ZSCAN30: variants seen among roughly 807,000 people sequenced by gnomAD.
ZSCAN30 encodes zinc finger and SCAN domain-containing protein 30.
A neutral mutation model predicts 44.3 loss-of-function variants in ZSCAN30; 37 were observed. The observed-to-expected ratio is 0.84, with a 90% CI of 0.64 to 1.10. The LOEUF (loss-of-function observed/expected upper bound fraction) is 1.10. Ranked by LOEUF, ZSCAN30 falls within the 50% of genes least tolerant of loss-of-function variation. The probability of loss-of-function intolerance (pLI) is 0.00; values close to 1 mark genes in which losing one functional copy is unlikely to be tolerated. For synonymous variants in ZSCAN30, 181 were observed against 204.6 expected, an observed-to-expected ratio of 0.88 and a Z score of 0.98; for missense variants, 549 against 582.6, an observed-to-expected ratio of 0.94 and a Z score of 0.59.
In ZSCAN30 at chr18:35,254,268, G is replaced by A. The variant is rs72959629; in HGVS notation, c.667C>T (p.Arg223Trp). The A allele has an allele frequency of 4.1e-3, 6,587 of 1,614,082 alleles. 45 individuals are homozygous for A. The highest frequency in any genetic ancestry group is 0.022 in the South Asian group (1,995 of 91,086). Reference sequence around the variant, plus strand: ...CCTCCCAAAGCTTCTTCAGCTATCCGTTGGGAATGTGTTTCTCCAGGAAGT... The same window carrying A: ...CCTCCCAAAGCTTCTTCAGCTATCCATTGGGAATGTGTTTCTCCAGGAAGT... ...GKLPGETHSQRIAEEALGGLD... is the reference protein window; with the variant it reads ...GKLPGETHSQWIAEEALGGLD... Residue 223 changes from arginine (R) to tryptophan (W), a missense_variant, in exon 4 of 4, where the codon CGG becomes TGG. Coordinates refer to ENST00000333206, the MANE Select transcript of ZSCAN30 (RefSeq NM_001112734.4).
chr18:35,277,707 T>C (rs1041417955), intron 1 of ZSCAN30, among the ~76,000 whole-genome samples: 22 of 152,188 alleles, frequency 1.4e-4, no homozygotes, highest in African/African-American at 5.1e-4. Context: ...TATGTCTTTA[T>C]TGGCAGCATG....
intron 1 of ZSCAN30, chr18:35,268,581 A>C (rs2044210950): frequency 6.6e-6 from 1 of 152,232 alleles, no homozygotes; most frequent in African/African-American, 2.4e-5. Flanking sequence ...ACAGTGTTTC[A>C]GGAGACGGAA....
chr18:35,264,341 C>T lies in ZSCAN30; in HGVS notation c.12G>A (p.Glu4=). 3.1e-6 allele frequency: 5 copies of T among 1,612,844 alleles called. No individual in the cohort carries two copies. The South Asian group carries it at 5.5e-5, about 18-fold the overall frequency. MSG[E]ATVLAYHAPE... The stretch of plus-strand genomic sequence containing the variant: ...GAGCATGGTAGGCCAAGACTGTGGC[C>T]TCTCCTGACATTCTGGGCAGAGACA... The change falls in exon 2 of 4, where the codon GAG becomes GAA. Residue 4 remains glutamate (E), a synonymous_variant. Transcript: ENST00000333206.
rs534869148 is a variant in ZSCAN30 at position 35,271,317 on chromosome 18, C to T, written c.-103-6862G>A. ...AATTTTGACAGGGTGCTGATTGGTGCGTTTACAATCCCTGAGCTAGACACA... is the reference window on the plus strand; with the variant it reads ...AATTTTGACAGGGTGCTGATTGGTGTGTTTACAATCCCTGAGCTAGACACA... On this transcript the variant is annotated intron_variant, in intron 1 of 3. Coordinates refer to ENST00000333206, the MANE Select transcript of ZSCAN30 (RefSeq NM_001112734.4). Among the ~76,000 whole-genome samples the T allele has an allele frequency of 3.3e-5, 5 of 152,022 alleles. No individual in the cohort carries two copies. The South Asian group carries it at 8.3e-4, about 25-fold the overall frequency.
chr18:35,259,102 T>C (rs2143682972), intron 3 of ZSCAN30: 1 of 152,562 alleles, frequency 6.6e-6, no homozygotes, highest in Admixed American at 6.5e-5. Flanking sequence ...AGAAATCTCT[T>C]TTCTCACAAT....
intron 1 of ZSCAN30, among the ~76,000 whole-genome samples, chr18:35,271,944 C>A (rs556868150): frequency 1.2e-3 from 184 of 152,192 alleles, no homozygotes; most frequent in South Asian, 2.3e-3. Flanking sequence ...GCTCCAAGTG[C>A]GGGGCCCGCC....
intron 1 of ZSCAN30, among the ~76,000 whole-genome samples, chr18:35,270,826 T>C (rs547403200): frequency 1.1e-4 from 16 of 152,326 alleles, no homozygotes; most frequent in African/African-American, 3.6e-4. Flanking sequence ...TTCTTAAAGA[T>C]GGTGTGTCCT....
At chr18:35,289,923 T>C (rs2044623555) in intron 1 of ZSCAN30, 161 bp downstream of exon 1, 1 of 152,136 alleles carries the variant, frequency 6.6e-6, no homozygotes, top group Non-Finnish European at 1.5e-5. Context: ...CTCCAGGTGA[T>C]TCTGATGCGC....
intron 3 of ZSCAN30, chr18:35,259,779 AAAAG>A (rs2043976825): frequency 6.5e-6 from 1 of 153,924 alleles, no homozygotes; most frequent in Non-Finnish European, 1.5e-5. Context: ...AGATTTTAAA[AAAAG>A]AAAGTAAAAA....
chr18:35,259,982 C>G (rs2043987119), intron 3 of ZSCAN30: 1 of 152,364 alleles, frequency 6.6e-6, no homozygotes, highest in Admixed American at 6.5e-5. Context: ...GTATTAAGCC[C>G]CACATGCATT....
chr18:35,287,875 CTTTT>C (rs61171547), intron 1 of ZSCAN30, among the ~76,000 whole-genome samples: 3 of 141,072 alleles, frequency 2.1e-5, no homozygotes, highest in Admixed American at 7.1e-5. Context: ...TCTTCCTCTT[CTTTT>C]TTTTTTTTTT....
intron 3 of ZSCAN30, chr18:35,261,355 T>C (rs1045955404): frequency 6.6e-6 from 1 of 152,188 alleles, no homozygotes; most frequent in Non-Finnish European, 1.5e-5. Context: ...TTGTACCATA[T>C]GAATTTTAAA....
chr18:35,265,780 CTTAGTTTA>C (rs1333108490), intron 1 of ZSCAN30, among the ~76,000 whole-genome samples: 2 of 152,154 alleles, frequency 1.3e-5, no homozygotes, highest in African/African-American at 4.8e-5. Flanking sequence ...CCAAAGGACT[CTTAGTTTA>C]TTATGGGAAA....
chr18:35,253,884 G>C lies in ZSCAN30; in HGVS notation c.1051C>G (p.His351Asp). ...SSDLVRHQRIHSGEKPYECCE... is the reference protein window; with the variant it reads ...SSDLVRHQRIDSGEKPYECCE... ...CATTCATAGGGTTTTTCACCACTAT[G>C]AATTCTCTGATGTCTAACAAGGTCT... Residue 351 changes from histidine to aspartate, a missense_variant, in exon 4 of 4, where the codon CAT becomes GAT. Coordinates refer to ENST00000333206, the MANE Select transcript of ZSCAN30 (RefSeq NM_001112734.4). The C allele has an allele frequency of 1.2e-6, 2 of 1,614,116 alleles. No homozygotes were observed. The highest frequency in any genetic ancestry group is 2.2e-5 in the South Asian group (2 of 91,082).
chr18:35,260,231 CA>C (rs1286072304), intron 3 of ZSCAN30: 1 of 152,208 alleles, frequency 6.6e-6, no homozygotes. Context: ...ATGGTGTATA[CA>C]TACCACATTT....
chr18:35,290,051 A>G (rs2278464), intron 1 of ZSCAN30, 33 bp downstream of exon 1: 41,430 of 152,116 alleles, frequency 0.27, 6,552 homozygotes, highest in Non-Finnish European at 0.37. Flanking sequence ...AACGATAACT[A>G]ATTAAGAACT....
intron 1 of ZSCAN30, among the ~76,000 whole-genome samples, chr18:35,270,696 TC>T (rs1429426031): frequency 6.6e-6 from 1 of 152,182 alleles, no homozygotes; most frequent in Non-Finnish European, 1.5e-5. Context: ...TTCTCCTGTC[TC>T]AGTCTCGCAA....
chr18:35,275,307 G>A (rs566231230), intron 1 of ZSCAN30, among the ~76,000 whole-genome samples: 80 of 152,318 alleles, frequency 5.3e-4, no homozygotes, highest in Middle Eastern at 6.8e-3. Context: ...AGCATCATAA[G>A]AATGATTAAG....
intron 1 of ZSCAN30, among the ~76,000 whole-genome samples, chr18:35,264,749 A>G (rs1390183024): frequency 1.3e-5 from 2 of 152,220 alleles, no homozygotes; most frequent in African/African-American, 4.8e-5. Flanking sequence ...ACTATAGTAT[A>G]TGATTACATC....
Sources: gnomAD v4.1 joint callset for allele counts (sites outside exome capture counted in the v4.1 genomes callset) on GRCh38, gnomAD v4.1.1 for gene constraint, MANE v1.5 for transcripts, NCBI Gene and HGNC (gene_info 2026-07-23, HGNC 2026-07-21) for gene names.